CPHXL2: variants seen among roughly 807,000 people sequenced by gnomAD.
CPHXL2 encodes the protein cytoplasmic polyadenylated homeobox like 2.
chr16:75,674,208 C>T, the CPHXL2 span, among the ~76,000 whole-genome samples: 1 of 150,618 alleles, frequency 6.6e-6, no homozygotes, highest in African/African-American at 2.4e-5. Context: ...CCCATCTCTA[C>T]TAAAAATACA....
the CPHXL2 span, among the ~76,000 whole-genome samples, chr16:75,676,522 A>G: frequency 6.6e-6 from 1 of 152,068 alleles, no homozygotes; most frequent in South Asian, 2.1e-4. Context: ...GGGTCTTGCT[A>G]TGTTGCCTAG....
At chr16:75,666,931 T>TA in the CPHXL2 span, among the ~76,000 whole-genome samples, 1 of 152,154 alleles carries the variant, frequency 6.6e-6, no homozygotes, top group Non-Finnish European at 1.5e-5. Context: ...AAAGGAACCT[T>TA]CAAAACCATG....
the CPHXL2 span, among the ~76,000 whole-genome samples, chr16:75,663,976 G>C: frequency 6.6e-6 from 1 of 151,996 alleles, no homozygotes; most frequent in Non-Finnish European, 1.5e-5. Context: ...GTACCTGGTG[G>C]CTTCATCAGC....
the CPHXL2 span, among the ~76,000 whole-genome samples, chr16:75,665,846 C>G: frequency 6.6e-6 from 1 of 152,158 alleles, no homozygotes; most frequent in East Asian, 1.9e-4. Flanking sequence ...GCCTGGGCAA[C>G]AGAGCAAGAC....
the CPHXL2 span, chr16:75,669,419 A>G: frequency 2.5e-6 from 1 of 400,810 alleles, no homozygotes; most frequent in Non-Finnish European, 4.4e-6. Flanking sequence ...CTAGTGGTGA[A>G]ATCAGGATAA....
the CPHXL2 span, among the ~76,000 whole-genome samples, chr16:75,669,715 G>A: frequency 3.9e-5 from 6 of 152,286 alleles, no homozygotes; most frequent in Admixed American, 2.0e-4. Flanking sequence ...ATGAAAGCAG[G>A]AATTGGCTAA....
chr16:75,670,863 G>A, the CPHXL2 span, among the ~76,000 whole-genome samples: 3 of 152,074 alleles, frequency 2.0e-5, no homozygotes, highest in Non-Finnish European at 4.4e-5. Flanking sequence ...ATTTATTCCT[G>A]ACATCGCTTC....
the CPHXL2 span, among the ~76,000 whole-genome samples, chr16:75,674,913 G>T: frequency 5.1e-4 from 78 of 151,538 alleles, no homozygotes; most frequent in Non-Finnish European, 8.8e-5. Context: ...TTTCACCACC[G>T]GGTGCGGTGG....
At chr16:75,664,286 C>T in the CPHXL2 span, among the ~76,000 whole-genome samples, 38 of 152,194 alleles carry the variant, frequency 2.5e-4, 1 homozygote, top group Non-Finnish European at 4.4e-5. Flanking sequence ...CTTGACAAAA[C>T]TTTCTAAATT....
chr16:75,663,896 A>AG, the CPHXL2 span, among the ~76,000 whole-genome samples: 1 of 130,922 alleles, frequency 7.6e-6, no homozygotes, highest in Admixed American at 7.5e-5. Context: ...AAAAAAAAAA[A>AG]AAAAAAAAGA....
chr16:75,660,504 T>C, the CPHXL2 span: 16 of 398,628 alleles, frequency 4.0e-5, 1 homozygote, highest in Admixed American at 1.8e-4. Context: ...CCACTGCTTC[T>C]CTAGATCCCA....
the CPHXL2 span, among the ~76,000 whole-genome samples, chr16:75,669,109 G>C: frequency 6.6e-6 from 1 of 152,046 alleles, no homozygotes; most frequent in South Asian, 2.1e-4. Flanking sequence ...GACCCCAGGA[G>C]TTCGACACCA....
the CPHXL2 span, among the ~76,000 whole-genome samples, chr16:75,664,926 A>T: frequency 6.6e-6 from 1 of 152,180 alleles, no homozygotes; most frequent in African/African-American, 2.4e-5. Context: ...CAGCCCTTTG[A>T]CCTTGGACTT....
the CPHXL2 span, chr16:75,676,865 AACTG>A: frequency 4.0e-5 from 16 of 398,068 alleles, no homozygotes; most frequent in African/African-American, 3.1e-4. Context: ...AATAATATCA[AACTG>A]ACTGCCCACA....
At chr16:75,668,220 T>C in the CPHXL2 span, among the ~76,000 whole-genome samples, 1 of 135,032 alleles carries the variant, frequency 7.4e-6, no homozygotes, top group Non-Finnish European at 1.5e-5. Flanking sequence ...TCTCTATATA[T>C]ATACATATAT....
At chr16:75,675,358 A>G in the CPHXL2 span, among the ~76,000 whole-genome samples, 5 of 148,050 alleles carry the variant, frequency 3.4e-5, no homozygotes, top group African/African-American at 1.2e-4. Context: ...GCAATATTAT[A>G]ATATTATATA....
At chr16:75,662,471 T>C in the CPHXL2 span, among the ~76,000 whole-genome samples, 1 of 151,784 alleles carries the variant, frequency 6.6e-6, no homozygotes, top group Non-Finnish European at 1.5e-5. Context: ...GTCCCAACCC[T>C]CTAATCCTGC....
chr16:75,674,858 C>T, the CPHXL2 span, among the ~76,000 whole-genome samples: 10 of 151,648 alleles, frequency 6.6e-5, no homozygotes, highest in African/African-American at 1.9e-4. Context: ...TACTGGCGCA[C>T]GCCACCATGC....
At chr16:75,666,141 AGAC>A in the CPHXL2 span, among the ~76,000 whole-genome samples, 1 of 152,176 alleles carries the variant, frequency 6.6e-6, no homozygotes, top group African/African-American at 2.4e-5. Context: ...ATTTTTTATC[AGAC>A]AACACAAACT....
Sources: allele counts gnomAD v4.1 joint callset (sites outside exome capture counted in the v4.1 genomes callset), GRCh38; gene constraint gnomAD v4.1.1; transcripts MANE v1.5; gene names NCBI Gene and HGNC (gene_info 2026-07-23, HGNC 2026-07-21).